The following KIAA1217 variants were observed in gnomAD, a reference collection of about 807,000 sequenced individuals.
The protein encoded by KIAA1217 is sickle tail protein homolog.
Under a neutral mutation model 163.9 loss-of-function variants are expected in KIAA1217, and 88 were observed. The ratio of observed to expected loss-of-function variants is 0.54; its 90% CI spans 0.45 to 0.64. The LOEUF (loss-of-function observed/expected upper bound fraction) is 0.64, where lower values mean the gene tolerates loss of function less well. Ranked by LOEUF, KIAA1217 falls within the 30% of genes least tolerant of loss-of-function variation. The pLI, the probability that KIAA1217 is intolerant of heterozygous loss-of-function variation, is 0.00. For synonymous variants in KIAA1217, 903 were observed against 923.1 expected, an observed-to-expected ratio of 0.98 and a Z score of 0.39; for missense variants, 2,372 against 2,475.0, an observed-to-expected ratio of 0.96 and a Z score of 0.88.
intron 5 of KIAA1217, among the ~76,000 whole-genome samples, chr10:24,465,570 A>T (rs373209433): frequency 3.3e-5 from 5 of 152,240 alleles, no homozygotes; most frequent in African/African-American, 4.8e-5. Flanking sequence ...TTGTCACCGT[A>T]TTCCCACTTG....
chr10:24,283,939 T>C (rs1161650420), intron 2 of KIAA1217, among the ~76,000 whole-genome samples: 1 of 151,870 alleles, frequency 6.6e-6, no homozygotes, highest in Non-Finnish European at 1.5e-5. Flanking sequence ...AGACGGAGTC[T>C]CACTCTGTCA....
chr10:23,838,570 C>T (rs989752825), intron 1 of KIAA1217, among the ~76,000 whole-genome samples: 1 of 152,090 alleles, frequency 6.6e-6, no homozygotes, highest in African/African-American at 2.4e-5. Context: ...AAGCAATTCT[C>T]CTGCCTCAGC....
At chr10:24,060,513 G>C (rs1034075221) in intron 2 of KIAA1217, among the ~76,000 whole-genome samples, 1 of 152,118 alleles carries the variant, frequency 6.6e-6, no homozygotes, top group Non-Finnish European at 1.5e-5. Context: ...ACTAAGACTT[G>C]GCCAAACACA....
At chr10:23,896,060 T>C (rs1841681331) in intron 1 of KIAA1217, among the ~76,000 whole-genome samples, 3 of 151,420 alleles carry the variant, frequency 2.0e-5, no homozygotes, top group East Asian at 2.0e-4. Context: ...AGTTAGTGGG[T>C]GCAGCACACC....
At chr10:23,776,757 T>G (rs1423602248) in intron 1 of KIAA1217, among the ~76,000 whole-genome samples, 1 of 146,282 alleles carries the variant, frequency 6.8e-6, no homozygotes, top group East Asian at 2.0e-4. Context: ...CTCGGCTCAC[T>G]GCAACCTCTG....
chr10:23,911,921 C>T, intron 1 of KIAA1217, among the ~76,000 whole-genome samples: 1 of 152,062 alleles, frequency 6.6e-6, no homozygotes, highest in East Asian at 1.9e-4. Context: ...TAATGATGAA[C>T]AATAGGCAGG....
intron 1 of KIAA1217, among the ~76,000 whole-genome samples, chr10:23,996,679 A>G (rs2131453516): frequency 6.6e-6 from 1 of 152,352 alleles, no homozygotes; most frequent in East Asian, 1.9e-4. Context: ...AACTAATACT[A>G]ATCCATTCAT....
intron 1 of KIAA1217, among the ~76,000 whole-genome samples, chr10:23,982,530 TC>T (rs1316869863): frequency 0.012 from 113 of 9,814 alleles, 1 homozygote; most frequent in African/African-American, 0.049. Context: ...GTTTTTTGTT[TC>T]TCTCTCTCTC....
chr10:23,867,044 C>G (rs1032700340), intron 1 of KIAA1217, among the ~76,000 whole-genome samples: 63 of 145,738 alleles, frequency 4.3e-4, no homozygotes, highest in Non-Finnish European at 6.7e-4. Flanking sequence ...GTTCCCCTTC[C>G]TGTGTCCATG....
intron 6 of KIAA1217, among the ~76,000 whole-genome samples, chr10:24,476,206 T>C (rs2064019607): frequency 6.6e-6 from 1 of 152,234 alleles, no homozygotes; most frequent in African/African-American, 2.4e-5. Context: ...TTCCAGAACC[T>C]AGCTCAGTGT....
chr10:23,976,093 T>C (rs978447008), intron 1 of KIAA1217, among the ~76,000 whole-genome samples: 14 of 152,148 alleles, frequency 9.2e-5, no homozygotes, highest in African/African-American at 3.1e-4. Context: ...GAGCAACAGA[T>C]TTCATCCTCT....
rs183548376 is a variant in KIAA1217, at chr10:24,317,774, A to G, written c.355-63095A>G. 2.9e-3 allele frequency among the ~76,000 whole-genome samples: 447 copies of G among 152,316 alleles called. 3 individuals carry two copies. Among genetic ancestry groups the G allele is most frequent in the Admixed American group, 5.4e-3 (82 of 15,302 alleles). On this transcript the variant is annotated intron_variant, in intron 2 of 20. Coordinates refer to ENST00000376454, the MANE Select transcript of KIAA1217 (RefSeq NM_019590.5). ...CTGTAGACTAAAAGAAACAGCTAACAGCTCCGTTTATTAAGTAGTAAAGCC... is the reference window on the plus strand; with the variant it reads ...CTGTAGACTAAAAGAAACAGCTAACGGCTCCGTTTATTAAGTAGTAAAGCC...
chr10:23,733,810 T>G (rs557302996), intron 1 of KIAA1217, among the ~76,000 whole-genome samples: 2 of 152,216 alleles, frequency 1.3e-5, no homozygotes, highest in Non-Finnish European at 2.9e-5. Flanking sequence ...TAATTTGCAG[T>G]AACTTACTGC....
intron 1 of KIAA1217, among the ~76,000 whole-genome samples, chr10:23,830,231 C>CT (rs1838113764): frequency 6.6e-6 from 1 of 152,108 alleles, no homozygotes; most frequent in African/African-American, 2.4e-5. Context: ...AAGAAGAATT[C>CT]TTTGCAGTCA....
intron 1 of KIAA1217, among the ~76,000 whole-genome samples, chr10:23,733,021 G>GT (rs35590383): frequency 0.19 from 27,741 of 147,784 alleles, 2,627 homozygotes; most frequent in Middle Eastern, 0.26. Context: ...GTATGTTTTT[G>GT]TTTTTTTTTT....
In KIAA1217 at chr10:24,543,715, A is replaced by G. The variant is rs1417834191; in HGVS notation, c.4445A>G (p.Glu1482Gly). 3.1e-6 allele frequency: 5 copies of G among 1,613,846 alleles called. No homozygotes were observed. In the Admixed American group the frequency reaches 8.3e-5, roughly 27 times the overall value. The change falls in exon 19 of 21, where the codon GAG (glutamate) becomes GGG (glycine). Residue 1482 changes from glutamate to glycine, a missense_variant. Glu to Gly is a moderately conservative substitution (Grantham distance 98). Transcript: ENST00000376454. ...ATGATGATGGAGGAAAAGATAGAGG[A>G]GGAGGAAGAGGAGGAAAATGGGGAT... ...ERMMMEEKIE[E>G]EEEEENGDSV... is the part of the protein sequence containing the mutation.
chr10:24,029,784 G>T (rs1297404567), intron 2 of KIAA1217, among the ~76,000 whole-genome samples: 1 of 152,164 alleles, frequency 6.6e-6, no homozygotes, highest in Non-Finnish European at 1.5e-5. Context: ...TAGAGTGGTT[G>T]TTTGCATTTG....
At chr10:24,368,554 T>C (rs1310192808) in intron 2 of KIAA1217, among the ~76,000 whole-genome samples, 8 of 152,196 alleles carry the variant, frequency 5.3e-5, no homozygotes, top group Non-Finnish European at 1.0e-4. Flanking sequence ...TAATGCTGTT[T>C]TTCAGAGATG....
chr10:24,131,962 T>C (rs1382839381), intron 2 of KIAA1217, among the ~76,000 whole-genome samples: 1 of 152,212 alleles, frequency 6.6e-6, no homozygotes. Context: ...ACTATAAAAG[T>C]GTGGTTATTA....
Sources: gnomAD v4.1 joint callset for allele counts (sites outside exome capture counted in the v4.1 genomes callset) on GRCh38, gnomAD v4.1.1 for gene constraint, MANE v1.5 for transcripts, NCBI Gene and HGNC (gene_info 2026-07-23, HGNC 2026-07-21) for gene names.